GNE: variants seen among roughly 807,000 people sequenced by gnomAD.
The protein encoded by GNE is bifunctional UDP-N-acetylglucosamine 2-epimerase/N-acetylmannosamine kinase.
A neutral mutation model predicts 61.8 loss-of-function variants in GNE; 41 were observed. The observed-to-expected ratio is 0.66, with a 90% CI of 0.52 to 0.86. The LOEUF is 0.86. GNE is among the 40% of genes least tolerant of loss of function. The probability of loss-of-function intolerance (pLI) is 0.00; values close to 1 mark genes in which losing one functional copy is unlikely to be tolerated. For missense variants in GNE, 608 were observed against 909.1 expected (o/e 0.67, Z 4.26); for synonymous variants, 264 against 326.4 (o/e 0.81, Z 2.06).
intron 1 of GNE, among the ~76,000 whole-genome samples, chr9:36,269,154 A>C (rs927954098): frequency 6.7e-6 from 1 of 150,022 alleles, no homozygotes; most frequent in Non-Finnish European, 1.5e-5. Flanking sequence ...AAGCCTAAGC[A>C]TGAACATAAG....
chr9:36,270,674 C>T (rs1018054366), intron 1 of GNE, among the ~76,000 whole-genome samples: 13 of 152,116 alleles, frequency 8.5e-5, no homozygotes, highest in Admixed American at 2.0e-4. Context: ...CCCGCCACCG[C>T]GCCCGGCTAA....
upstream of GNE, among the ~76,000 whole-genome samples, chr9:36,261,347 A>C (rs941704890): frequency 6.6e-6 from 1 of 151,970 alleles, no homozygotes; most frequent in African/African-American, 2.4e-5. Context: ...TCACGACGTC[A>C]GGAGATCGAG....
intron 1 of GNE, among the ~76,000 whole-genome samples, chr9:36,269,129 C>CAAA (rs397776335): frequency 1.2e-5 from 1 of 83,940 alleles, no homozygotes; most frequent in Admixed American, 1.4e-4. Context: ...GACTCCGTCT[C>CAAA]AAAAAAAAAA....
chr9:36,232,365 A>G (rs1482037303), intron 5 of GNE, among the ~76,000 whole-genome samples: 1 of 121,232 alleles, frequency 8.2e-6, no homozygotes, highest in Non-Finnish European at 1.6e-5. Context: ...CATTCTGTAT[A>G]TTAGCAACCG....
At position 36,217,120 on chromosome 9, in the gene GNE, G is replaced by T; in HGVS notation, c.*245C>A. The T allele has an allele frequency of 3.7e-6, 2 of 535,740 alleles. No individual in the cohort carries two copies. Among genetic ancestry groups the T allele is most frequent in the Non-Finnish European group, 6.7e-6 (2 of 297,044 alleles). 33.2% of individuals were successfully genotyped at this position (535,740 alleles called of 1,614,324 possible). On this transcript the variant is annotated 3_prime_UTR_variant, in exon 12 of 12. Transcript: ENST00000642385. Reference sequence around the variant, plus strand: ...TGCTTTGGCACAGAAAATTGTGACTGTAACTTACAGGGTTTGAGCTAAAAT... The same window carrying T: ...TGCTTTGGCACAGAAAATTGTGACTTTAACTTACAGGGTTTGAGCTAAAAT...
intron 1 of GNE, among the ~76,000 whole-genome samples, chr9:36,273,628 G>A (rs752165161): frequency 2.7e-5 from 4 of 149,636 alleles, no homozygotes; most frequent in Admixed American, 6.7e-5. Flanking sequence ...CCCTGACTCT[G>A]TTCTACTGTC....
At chr9:36,276,546 T>A (rs1571269) in intron 1 of GNE, among the ~76,000 whole-genome samples, 116,011 of 152,092 alleles carry the variant, frequency 0.76, 44,737 homozygotes, top group Non-Finnish European at 0.8. Context: ...ATAGTTAAAC[T>A]TTGCATGTTT....
rs1001017679 is a variant in GNE at position 36,215,771 on chromosome 9, T to G, written c.*1594A>C. 1.3e-5 allele frequency: 2 copies of G among 152,542 alleles called. No individual in the cohort carries two copies. The highest frequency in any genetic ancestry group is 4.8e-5 in the African/African-American group (2 of 41,572). The allele number at this position is 152,542 out of a possible 1,614,324, so 9.4% of individuals were successfully genotyped here. On this transcript the variant is annotated 3_prime_UTR_variant, in exon 12 of 12. Coordinates refer to ENST00000642385, the MANE Select transcript of GNE (RefSeq NM_005476.7). Reference sequence around the variant, plus strand: ...TAGCCAGAACTTTGGCTTTTGTATTTTGACACCAATGAAAACACGAATCAT... The same window carrying G: ...TAGCCAGAACTTTGGCTTTTGTATTGTGACACCAATGAAAACACGAATCAT...
intron 3 of GNE, among the ~76,000 whole-genome samples, chr9:36,242,006 T>C (rs1829648030): frequency 6.6e-6 from 1 of 151,910 alleles, no homozygotes; most frequent in Non-Finnish European, 1.5e-5. Flanking sequence ...TGTGGTGGTG[T>C]GCGCCTGTAG....
At chr9:36,236,782 A>G (rs759704080) in intron 4 of GNE, 50 bp downstream of exon 4, 57 of 1,543,202 alleles carry the variant, frequency 3.7e-5, no homozygotes, top group Non-Finnish European at 4.9e-5. Context: ...TAATAGAAAC[A>G]TAAAATTGGG....
chr9:36,270,899 A>G (rs2133197363), intron 1 of GNE, among the ~76,000 whole-genome samples: 1 of 152,288 alleles, frequency 6.6e-6, no homozygotes, highest in South Asian at 2.1e-4. Context: ...AATAAAATAA[A>G]TAAGTGGAAT....
At chr9:36,257,224 T>C (rs1264368933) in intron 1 of GNE, among the ~76,000 whole-genome samples, 1 of 152,132 alleles carries the variant, frequency 6.6e-6, no homozygotes, top group Non-Finnish European at 1.5e-5. Context: ...CTTGTGTCTG[T>C]TCATTCCATA....
intron 7 of GNE, among the ~76,000 whole-genome samples, chr9:36,225,220 A>G (rs969478241): frequency 6.6e-6 from 1 of 152,186 alleles, no homozygotes; most frequent in Non-Finnish European, 1.5e-5. Flanking sequence ...GGTTTCAGTT[A>G]TTCTTAGGAG....
rs1191094259 is a variant in GNE, at chr9:36,216,653, ATTATTATTATTATTATTAT to A, written c.*693_*711del. 3.6e-5 allele frequency: 4 copies of A among 111,614 alleles called. No homozygotes were observed. Among genetic ancestry groups the A allele is most frequent in the Non-Finnish European group, 8.1e-5 (4 of 49,482 alleles). The allele number at this position is 111,614 out of a possible 1,614,324, so 6.9% of individuals were successfully genotyped here. On this transcript the variant is annotated 3_prime_UTR_variant, in exon 12 of 12. Coordinates refer to ENST00000642385, the MANE Select transcript of GNE (RefSeq NM_005476.7). ...CCCAGCTGGAAGGATTATTATTATT[ATTATTATTATTATTATTAT>A]TTATTATTATTATTTTTGAGATGGA...
intron 4 of GNE, among the ~76,000 whole-genome samples, chr9:36,236,392 G>A (rs1829395279): frequency 6.6e-6 from 1 of 152,102 alleles, no homozygotes; most frequent in Admixed American, 6.5e-5. Context: ...CAGAGACAGG[G>A]TTTCACCATC....
intron 9 of GNE, among the ~76,000 whole-genome samples, chr9:36,221,854 T>C (rs1828600874): frequency 6.6e-6 from 1 of 152,046 alleles, no homozygotes; most frequent in Non-Finnish European, 1.5e-5. Context: ...TAAGAGAACT[T>C]TCTGGTGTTG....
At chr9:36,221,178 G>A (rs7873933) in intron 9 of GNE, among the ~76,000 whole-genome samples, 15,485 of 152,176 alleles carry the variant, frequency 0.1, 1,088 homozygotes, top group South Asian at 0.19. Context: ...GAAATTAGCC[G>A]GGTGTGGTGG....
At chr9:36,229,454 T>C (rs1200140010) in intron 5 of GNE, among the ~76,000 whole-genome samples, 1 of 152,192 alleles carries the variant, frequency 6.6e-6, no homozygotes, top group African/African-American at 2.4e-5. Context: ...CTGCCTTCCA[T>C]CTACTCAGCC....
Position 36,227,302 on chromosome 9 carries a change from G to A in GNE, c.1227C>T (p.Ala409=). The A allele has an allele frequency of 6.2e-7, 1 of 1,613,708 alleles. No homozygotes were observed. The highest frequency in any genetic ancestry group is 2.2e-5 in the East Asian group (1 of 44,876). ...DIDHILETLS[A]LAVDLGGTNL... ...TCGTCCCGCCAAGATCAACGGCCAA[G>A]GCACTTAGAGTTTCAAGAATATGGT... The change falls in exon 7 of 12, where the codon GCC becomes GCT. Residue 409 remains alanine, a synonymous_variant. Coordinates refer to ENST00000642385, the MANE Select transcript of GNE (RefSeq NM_005476.7).
Sources: gnomAD v4.1 joint callset for allele counts (sites outside exome capture counted in the v4.1 genomes callset) on GRCh38, gnomAD v4.1.1 for gene constraint, MANE v1.5 for transcripts, NCBI Gene and HGNC (gene_info 2026-07-23, HGNC 2026-07-21) for gene names.